ARHGEF10: variants seen among roughly 807,000 people sequenced by gnomAD.
ARHGEF10 encodes the protein Rho guanine nucleotide exchange factor (GEF) 10.
ARHGEF10 carries 140 observed loss-of-function variants against 147.4 expected under a neutral mutation model. The observed-to-expected ratio is 0.95, with a 90% CI of 0.83 to 1.09. ARHGEF10 has a LOEUF of 1.09. ARHGEF10 is among the 50% of genes least tolerant of loss of function. The pLI, the probability that ARHGEF10 is intolerant of heterozygous loss-of-function variation, is 0.00. For synonymous variants in ARHGEF10, 902 were observed against 695.8 expected, an observed-to-expected ratio of 1.30 and a Z score of -4.67; for missense variants, 2,222 against 1,752.7, an observed-to-expected ratio of 1.27 and a Z score of -4.78.
chr8:1,852,297 C>T (rs1167546443), intron 2 of ARHGEF10, among the ~76,000 whole-genome samples: 49 of 34,232 alleles, frequency 1.4e-3, no homozygotes, highest in African/African-American at 6.0e-3. Flanking sequence ...TGGAGAGGAC[C>T]GGGGAGCAGC....
At chr8:1,902,055 C>A (rs569655248) in intron 15 of ARHGEF10, among the ~76,000 whole-genome samples, 1 of 152,028 alleles carries the variant, frequency 6.6e-6, no homozygotes, top group Admixed American at 6.5e-5. Context: ...ATAGGTATAC[C>A]TGTGCCATGG....
chr8:1,880,006 A>T, intron 8 of ARHGEF10, 42 bp from the exon 9 acceptor site: 3 of 1,415,224 alleles, frequency 2.1e-6, no homozygotes, highest in Non-Finnish European at 3.0e-6. Flanking sequence ...AAGAACCAAA[A>T]AGAGCCTTTT....
chr8:1,888,031 T>G (rs1384905662), intron 11 of ARHGEF10, among the ~76,000 whole-genome samples: 1 of 130,726 alleles, frequency 7.6e-6, no homozygotes, highest in Non-Finnish European at 1.6e-5. Flanking sequence ...AGGCACTGAG[T>G]AGGGTGAGGG....
intron 4 of ARHGEF10, among the ~76,000 whole-genome samples, chr8:1,863,262 AC>A (rs992848294): frequency 4.6e-5 from 7 of 151,634 alleles, no homozygotes; most frequent in Admixed American, 2.0e-4. Flanking sequence ...CCGCAGATCC[AC>A]CCCCCCAGCC....
chr8:1,927,179 G>C lies in ARHGEF10; in HGVS notation c.2697+716G>C, dbSNP rs967684682. 7.1e-5 allele frequency: 11 copies of C among 154,402 alleles called. No individual in the cohort carries two copies. In the South Asian group the frequency reaches 1.0e-3, roughly 14 times the overall value. 9.6% of individuals were successfully genotyped at this position (154,402 alleles called of 1,614,324 possible). A position where few individuals can be genotyped will look rare whatever the true frequency, so the allele number is the denominator to read the frequency against. ...TCATTTGTACCAACCTATGAATGGA[G>C]GAGTAGCCTTAATTCCCTTGGGGGC... On this transcript the variant is annotated intron_variant, in intron 23 of 28. Coordinates refer to ENST00000349830, the MANE Select transcript of ARHGEF10 (RefSeq NM_014629.4).
chr8:1,844,495 G>A (rs1223629980), intron 2 of ARHGEF10, among the ~76,000 whole-genome samples: 1 of 152,160 alleles, frequency 6.6e-6, no homozygotes, highest in Non-Finnish European at 1.5e-5. Context: ...AACAGCCAGC[G>A]ACACCACAGG....
At position 1,859,932 on chromosome 8, in the gene ARHGEF10, G is replaced by T. The variant is rs899639930; in HGVS notation, c.229G>T (p.Val77Leu). The stretch of plus-strand genomic sequence containing the variant: ...TGGAGCTGGAGCAGAAACCACCCCA[G>T]TGGCAGAGCCTACTAAGCTGGTGCT... ...EDGAGAETTP[V>L]AEPTKLVLPM... The change falls in exon 4 of 29, where the codon GTG becomes TTG. Residue 77 changes from valine (V) to leucine (L), a missense_variant. Coordinates refer to ENST00000349830, the MANE Select transcript of ARHGEF10 (RefSeq NM_014629.4). 1 of 1,614,092 alleles carries T rather than the reference G, an allele frequency of 6.2e-7. No individual in the cohort carries two copies. Among genetic ancestry groups the T allele is most frequent in the African/African-American group, 1.3e-5 (1 of 74,938 alleles).
In ARHGEF10 at chr8:1,852,894, G is replaced by A. The variant is rs531291414; in HGVS notation, c.38-5066G>A. On this transcript the variant is annotated intron_variant, in intron 2 of 28. Coordinates refer to ENST00000349830, the MANE Select transcript of ARHGEF10 (RefSeq NM_014629.4). ...GCTGTCGGTCAGCATTAGGGGTGTC[G>A]TGTCAAGCTGCCGGTGACCCACAAG... Among the ~76,000 whole-genome samples the A allele has an allele frequency of 2.6e-5, 4 of 152,298 alleles. No individual in the cohort carries two copies. In the East Asian group the frequency reaches 7.7e-4, roughly 29 times the overall value.
In ARHGEF10 at chr8:1,926,357, T is replaced by C. The variant is rs1198467730; in HGVS notation, c.2611-20T>C. The stretch of plus-strand genomic sequence containing the variant: ...TTAGCTCTGTTTTATATGTGAGCGT[T>C]TGATTTTATTCCATTTTAGATTGAA... On this transcript the variant is annotated intron_variant, in intron 22 of 28. Coordinates refer to ENST00000349830, the MANE Select transcript of ARHGEF10 (RefSeq NM_014629.4). The C allele has an allele frequency of 6.2e-7, 1 of 1,603,116 alleles. No homozygotes were observed. Among genetic ancestry groups the C allele is most frequent in the East Asian group, 2.2e-5 (1 of 44,824 alleles).
chr8:1,887,625 G>C (rs1286395241), intron 11 of ARHGEF10, among the ~76,000 whole-genome samples: 1 of 131,276 alleles, frequency 7.6e-6, no homozygotes, highest in Non-Finnish European at 1.6e-5. Flanking sequence ...TGAGGGTTGT[G>C]AGGAGACTGT....
Position 1,898,341 on chromosome 8 carries a change from G to C in ARHGEF10, c.1558-92G>C, listed in dbSNP as rs1034203495. On this transcript the variant is annotated intron_variant, in intron 14 of 28. Coordinates refer to ENST00000349830, the MANE Select transcript of ARHGEF10 (RefSeq NM_014629.4). ...CAAGGTGCAGGCTTTTGACTTTCCCGAGTGTTCAGTGTGGTGGGGAGGAGG... is the reference window on the plus strand; with the variant it reads ...CAAGGTGCAGGCTTTTGACTTTCCCCAGTGTTCAGTGTGGTGGGGAGGAGG... 5 of 1,113,502 alleles carry C rather than the reference G, an allele frequency of 4.5e-6. No individual in the cohort carries two copies. In the Admixed American group the frequency reaches 7.2e-5, roughly 16 times the overall value. The allele number at this position is 1,113,502 out of a possible 1,614,324, so 69.0% of individuals were successfully genotyped here. A position where few individuals can be genotyped will look rare whatever the true frequency, so the allele number is the denominator to read the frequency against.
At chr8:1,921,409 T>C (rs747819493) in intron 18 of ARHGEF10, among the ~76,000 whole-genome samples, 22 of 151,982 alleles carry the variant, frequency 1.4e-4, no homozygotes, top group Non-Finnish European at 2.4e-4. Flanking sequence ...AAATGCAGAG[T>C]CCTTTCCTCA....
At chr8:1,879,664 C>T (rs910611500) in intron 8 of ARHGEF10, among the ~76,000 whole-genome samples, 8 of 152,056 alleles carry the variant, frequency 5.3e-5, no homozygotes, top group Middle Eastern at 3.4e-3. Flanking sequence ...GCAATTCGCC[C>T]ACCTCAGCCT....
At chr8:1,853,475 A>G (rs930615593) in intron 2 of ARHGEF10, among the ~76,000 whole-genome samples, 1 of 152,222 alleles carries the variant, frequency 6.6e-6, no homozygotes, top group African/African-American at 2.4e-5. Context: ...GCCCTTGAGC[A>G]TCTTTTCTAG....
At chr8:1,834,351 C>T (rs1242231323) in intron 1 of ARHGEF10, among the ~76,000 whole-genome samples, 2 of 152,118 alleles carry the variant, frequency 1.3e-5, no homozygotes, top group Non-Finnish European at 2.9e-5. Context: ...GGAGAAGATC[C>T]CACGGAGACG....
chr8:1,903,011 T>C (rs1810594407), intron 15 of ARHGEF10, among the ~76,000 whole-genome samples: 1 of 152,190 alleles, frequency 6.6e-6, no homozygotes, highest in African/African-American at 2.4e-5. Flanking sequence ...TGCACAGTAT[T>C]TCTGAGATTG....
chr8:1,856,908 G>A (rs574106773), intron 2 of ARHGEF10, among the ~76,000 whole-genome samples: 5 of 152,206 alleles, frequency 3.3e-5, no homozygotes, highest in Non-Finnish European at 7.3e-5. Flanking sequence ...GGTGTGCCGG[G>A]TGGTGTTGTC....
rs942265261 is a variant in ARHGEF10, at chr8:1,933,658, G to A, written c.3080-142G>A. The A allele has an allele frequency of 4.4e-6, 5 of 1,133,310 alleles. No homozygotes were observed. In the African/African-American group the frequency reaches 7.7e-5, roughly 17 times the overall value. The allele number at this position is 1,133,310 out of a possible 1,614,324, so 70.2% of individuals were successfully genotyped here. A position where few individuals can be genotyped will look rare whatever the true frequency, so the allele number is the denominator to read the frequency against. ...GTGGGTGTCAGCTTGTCGATCCCCA[G>A]ACACAGCCAGGATCAGGCACAAGCA... On this transcript the variant is annotated intron_variant, in intron 25 of 28. Coordinates refer to ENST00000349830, the MANE Select transcript of ARHGEF10 (RefSeq NM_014629.4).
intron 10 of ARHGEF10, among the ~76,000 whole-genome samples, chr8:1,883,138 T>C (rs1369275928): frequency 1.3e-5 from 2 of 152,160 alleles, no homozygotes; most frequent in Non-Finnish European, 2.9e-5. Flanking sequence ...ATTTCAGGAA[T>C]CTTTTCCTTG....
Sources: gnomAD v4.1 joint callset for allele counts (sites outside exome capture counted in the v4.1 genomes callset) on GRCh38, gnomAD v4.1.1 for gene constraint, MANE v1.5 for transcripts, NCBI Gene and HGNC (gene_info 2026-07-23, HGNC 2026-07-21) for gene names.